MACO1: variants seen among roughly 807,000 people sequenced by gnomAD.
The protein encoded by MACO1 is macoilin.
Under a neutral mutation model 78.7 loss-of-function variants are expected in MACO1, and 14 were observed. The observed-to-expected ratio is 0.18, with a 90% confidence interval of 0.12 to 0.28. The LOEUF is 0.28. Ranked by LOEUF, MACO1 falls within the 10% of genes least tolerant of loss-of-function variation. The pLI, the probability that MACO1 is intolerant of heterozygous loss-of-function variation, is 1.00. For synonymous variants in MACO1, 288 were observed against 291.6 expected (o/e 0.99, Z 0.12); for missense variants, 501 against 799.0 (o/e 0.63, Z 4.50).
intron 1 of MACO1, among the ~76,000 whole-genome samples, chr1:25,440,781 A>G (rs1038148973): frequency 1.3e-5 from 2 of 151,914 alleles, no homozygotes; most frequent in Non-Finnish European, 2.9e-5. Flanking sequence ...AAAAAAAAAA[A>G]AAAAGAAAAG....
chr1:25,489,503 C>G (rs2043465348), intron 9 of MACO1, among the ~76,000 whole-genome samples: 1 of 152,176 alleles, frequency 6.6e-6, no homozygotes, highest in South Asian at 2.1e-4. Flanking sequence ...TAATACAAAC[C>G]AGAAATGTTG....
At chr1:25,487,827 G>A (rs1027965892) in intron 8 of MACO1, among the ~76,000 whole-genome samples, 8 of 152,280 alleles carry the variant, frequency 5.3e-5, no homozygotes, top group African/African-American at 1.7e-4. Flanking sequence ...TCATGGCCTG[G>A]TGGGAAGTTT....
chr1:25,431,337 G>A (rs1571942106), intron 1 of MACO1, among the ~76,000 whole-genome samples, 159 bp downstream of exon 1: 1 of 146,510 alleles, frequency 6.8e-6, no homozygotes, highest in Admixed American at 6.7e-5. Context: ...CGCCCGCCGG[G>A]GTCCGCCCCG....
chr1:25,490,166 T>G (rs2043472264), intron 9 of MACO1, among the ~76,000 whole-genome samples: 1 of 132,948 alleles, frequency 7.5e-6, no homozygotes, highest in African/African-American at 2.5e-5. Flanking sequence ...AAAGCAAAAA[T>G]CATAATAATA....
intron 1 of MACO1, among the ~76,000 whole-genome samples, chr1:25,434,369 A>G (rs1400426385): frequency 6.6e-6 from 1 of 152,234 alleles, no homozygotes; most frequent in Non-Finnish European, 1.5e-5. Flanking sequence ...GAGTAAATTA[A>G]TAAATGAATA....
intron 6 of MACO1, among the ~76,000 whole-genome samples, chr1:25,464,674 C>T (rs371533231): frequency 2.6e-4 from 34 of 132,848 alleles, no homozygotes; most frequent in South Asian, 1.3e-3. Flanking sequence ...CCCCCCTCCG[C>T]GAAATGGAAT....
chr1:25,484,354 A>C (rs1415662851), intron 7 of MACO1, 80 bp downstream of exon 7: 9 of 1,429,370 alleles, frequency 6.3e-6, no homozygotes, highest in Non-Finnish European at 7.4e-6. Context: ...GGAGCACAAG[A>C]TTTATGGTGA....
intron 10 of MACO1, among the ~76,000 whole-genome samples, chr1:25,492,635 G>C (rs1417276380): frequency 6.6e-6 from 1 of 152,088 alleles, no homozygotes; most frequent in East Asian, 1.9e-4. Context: ...TGAGGCCCAT[G>C]GAAAGAACTT....
At chr1:25,467,949 A>AT (rs1465945491) in intron 6 of MACO1, among the ~76,000 whole-genome samples, 1 of 152,122 alleles carries the variant, frequency 6.6e-6, no homozygotes, top group Non-Finnish European at 1.5e-5. Context: ...ACTTTAAAAA[A>AT]TTTTTATCAA....
chr1:25,498,162 A>T (rs2043554198), intron 10 of MACO1, 102 bp from the exon 11 acceptor site: 4 of 1,129,810 alleles, frequency 3.5e-6, no homozygotes, highest in Middle Eastern at 2.2e-4. Flanking sequence ...CTGAACCTGG[A>T]GCTGTTCACA....
At chr1:25,434,940 A>G (rs945235749) in intron 1 of MACO1, among the ~76,000 whole-genome samples, 2 of 152,096 alleles carry the variant, frequency 1.3e-5, no homozygotes, top group Non-Finnish European at 2.9e-5. Context: ...GTTTACCCCT[A>G]CCTCTCACCC....
chr1:25,465,717 A>C (rs2043213440), intron 6 of MACO1, among the ~76,000 whole-genome samples: 1 of 152,198 alleles, frequency 6.6e-6, no homozygotes, highest in Non-Finnish European at 1.5e-5. Context: ...TCACCCAAAT[A>C]ATATACATTT....
rs202074892 is a variant in MACO1, at chr1:25,458,434, C to T, written c.696C>T (p.His232=). 5.3e-5 allele frequency: 85 copies of T among 1,611,424 alleles called. No individual in the cohort carries two copies. The African/African-American group carries it at 1.1e-3, about 20-fold the overall frequency. The change falls in exon 6 of 11, where the codon CAC becomes CAT. Residue 232 remains histidine, a synonymous_variant. Coordinates refer to ENST00000374343, the MANE Select transcript of MACO1 (RefSeq NM_018202.6). Reference sequence around the variant, plus strand: ...ATATGGATTCTTCGATCCTTATACACCACAATGGAGGTATCCCAGCCAACA... The same window carrying T: ...ATATGGATTCTTCGATCCTTATACATCACAATGGAGGTATCCCAGCCAACA... ...LPDMDSSILI[H]HNGGIPANKK...
At chr1:25,496,684 A>G (rs1191726177) in intron 10 of MACO1, among the ~76,000 whole-genome samples, 2 of 149,376 alleles carry the variant, frequency 1.3e-5, no homozygotes, top group African/African-American at 2.6e-5. Context: ...GGACTGGGCA[A>G]TAGGGAGCTA....
intron 6 of MACO1, among the ~76,000 whole-genome samples, chr1:25,478,199 C>T (rs2043340077): frequency 6.6e-6 from 1 of 152,168 alleles, no homozygotes; most frequent in Non-Finnish European, 1.5e-5. Context: ...GAGCCGAGAT[C>T]ATGCCACTGC....
rs544306898 is a variant in MACO1, at chr1:25,459,429, A to G, written c.1154+537A>G. 1.2e-4 allele frequency among the ~76,000 whole-genome samples: 18 copies of G among 152,286 alleles called. No homozygotes were observed. In the Middle Eastern group the frequency reaches 0.027, roughly 230 times the overall value. On this transcript the variant is annotated intron_variant, in intron 6 of 10. Transcript: ENST00000374343. ...CTCTTTCACAAAAATCCATGGAGAA[A>G]CAGTGTTAGACACAAAGTTTAATTA...
At chr1:25,471,763 T>C (rs1422999967) in intron 6 of MACO1, among the ~76,000 whole-genome samples, 1 of 152,232 alleles carries the variant, frequency 6.6e-6, no homozygotes, top group Non-Finnish European at 1.5e-5. Flanking sequence ...GGACTGCACA[T>C]CCAGTGTCAA....
In MACO1 at chr1:25,450,834, T is replaced by C. The variant is rs897746300; in HGVS notation, c.349+1900T>C. 2.5e-4 allele frequency among the ~76,000 whole-genome samples: 38 copies of C among 152,334 alleles called. 1 individual carries two copies. The highest frequency in any genetic ancestry group is 1.0e-4 in the Non-Finnish European group (7 of 68,020). ...GAGCTGCCTTTTACACTCGTCACTCTCCCTAGGTCTCAGCTTCTCTGTTAT... is the reference window on the plus strand; with the variant it reads ...GAGCTGCCTTTTACACTCGTCACTCCCCCTAGGTCTCAGCTTCTCTGTTAT... On this transcript the variant is annotated intron_variant, in intron 3 of 10. Coordinates refer to ENST00000374343, the MANE Select transcript of MACO1 (RefSeq NM_018202.6).
rs1436129643 is a variant in MACO1, at chr1:25,499,604, G to T, written c.*1138G>T. The T allele has an allele frequency of 7.6e-6, 1 of 132,050 alleles. No individual in the cohort carries two copies. Among genetic ancestry groups the T allele is most frequent in the Non-Finnish European group, 1.6e-5 (1 of 63,840 alleles). 8.2% of individuals were successfully genotyped at this position (132,050 alleles called of 1,614,324 possible). ...TCTTAAACTCAAAACTCTGCACAAA[G>T]ATTTCAGTTTCAAATGTGTATTATA... On this transcript the variant is annotated 3_prime_UTR_variant, in exon 11 of 11. Coordinates refer to ENST00000374343, the MANE Select transcript of MACO1 (RefSeq NM_018202.6).
Sources: allele counts gnomAD v4.1 joint callset (sites outside exome capture counted in the v4.1 genomes callset), GRCh38; gene constraint gnomAD v4.1.1; transcripts MANE v1.5; gene names NCBI Gene and HGNC (gene_info 2026-07-23, HGNC 2026-07-21).